TACC1: variants seen among roughly 807,000 people sequenced by gnomAD.
TACC1 encodes the protein transforming acidic coiled-coil containing protein 1.
TACC1 carries 48 observed loss-of-function variants against 84.4 expected under a neutral mutation model. That is an observed-to-expected ratio of 0.57 (90% CI 0.45 to 0.72). The LOEUF (loss-of-function observed/expected upper bound fraction) is 0.72. TACC1 is among the 30% of genes least tolerant of loss of function. TACC1 has a pLI of 0.00. For missense variants in TACC1, 920 were observed against 973.0 expected (o/e 0.95, Z 0.72); for synonymous variants, 372 against 376.3 (o/e 0.99, Z 0.13).
At chr8:38,741,781 A>C (rs563987622) in intron 1 of TACC1, among the ~76,000 whole-genome samples, 7 of 152,194 alleles carry the variant, frequency 4.6e-5, no homozygotes, top group African/African-American at 1.7e-4. Flanking sequence ...ACAAAGAGTC[A>C]ATATTCCAAG....
At chr8:38,749,818 C>T (rs1259475688) in intron 3 of TACC1, among the ~76,000 whole-genome samples, 1 of 152,124 alleles carries the variant, frequency 6.6e-6, no homozygotes, top group Non-Finnish European at 1.5e-5. Flanking sequence ...TCTCGAACGC[C>T]TGACCTCATG....
At chr8:38,777,852 C>T (rs1400103212) in intron 3 of TACC1, among the ~76,000 whole-genome samples, 1 of 152,174 alleles carries the variant, frequency 6.6e-6, no homozygotes, top group South Asian at 2.1e-4. Context: ...TGCTCACATC[C>T]CATGGGTGAG....
intron 3 of TACC1, among the ~76,000 whole-genome samples, chr8:38,824,483 A>T (rs1193834201): frequency 6.6e-6 from 1 of 152,242 alleles, no homozygotes; most frequent in African/African-American, 2.4e-5. Flanking sequence ...TAGGGAAAGA[A>T]GATCATGAAC....
At chr8:38,811,937 A>G (rs1364552605) in intron 2 of TACC1, among the ~76,000 whole-genome samples, 1 of 152,142 alleles carries the variant, frequency 6.6e-6, no homozygotes, top group Non-Finnish European at 1.5e-5. Flanking sequence ...AAGGAATATT[A>G]ATAATTAATA....
At chr8:38,763,644 CTT>C (rs1373695569) in intron 3 of TACC1, among the ~76,000 whole-genome samples, 3 of 152,138 alleles carry the variant, frequency 2.0e-5, no homozygotes, top group Non-Finnish European at 2.9e-5. Flanking sequence ...TTTATAGTCT[CTT>C]TTTGTCCACC....
chr8:38,812,621 G>A (rs1273343955), intron 2 of TACC1, among the ~76,000 whole-genome samples: 2 of 152,078 alleles, frequency 1.3e-5, no homozygotes, highest in Non-Finnish European at 2.9e-5. Context: ...TGCAACTGGG[G>A]TCTGTTCAAA....
chr8:38,788,021 T>C (rs946578218), intron 1 of TACC1: 6 of 460,694 alleles, frequency 1.3e-5, no homozygotes, highest in African/African-American at 6.2e-5. Context: ...TTCTCTAAGC[T>C]TCGACCCCCA....
At chr8:38,798,603 C>T (rs377699582) in intron 2 of TACC1, among the ~76,000 whole-genome samples, 1 of 92,528 alleles carries the variant, frequency 1.1e-5, no homozygotes, top group Admixed American at 1.1e-4. Flanking sequence ...TGTCTGGGTT[C>T]TGCGTGTGTG....
chr8:38,815,262 A>G (rs1325234944), intron 2 of TACC1, among the ~76,000 whole-genome samples: 3 of 152,218 alleles, frequency 2.0e-5, no homozygotes, highest in Non-Finnish European at 4.4e-5. Context: ...ACGTGTATTA[A>G]GTTCCTAGAA....
upstream of TACC1, among the ~76,000 whole-genome samples, chr8:38,786,390 T>G (rs1296315882): frequency 1.3e-5 from 2 of 152,066 alleles, no homozygotes; most frequent in African/African-American, 2.4e-5. Flanking sequence ...GACTTAGAAG[T>G]TACGAAAAGA....
chr8:38,800,925 T>TTGGTTATAGCCATGCCAGTAGGTG (rs1821204905), intron 2 of TACC1, among the ~76,000 whole-genome samples: 1 of 152,220 alleles, frequency 6.6e-6, no homozygotes, highest in South Asian at 2.1e-4. Flanking sequence ...GTCTGTCTGT[T>TTGGTTATAGCCATGCCAGTAGGTG]TGGTTATAGC....
chr8:38,806,268 ACAGAG>A (rs1339172067), intron 2 of TACC1, among the ~76,000 whole-genome samples: 3 of 152,184 alleles, frequency 2.0e-5, no homozygotes, highest in African/African-American at 7.2e-5. Context: ...GTGTGACAGT[ACAGAG>A]CAATGACCTT....
At chr8:38,791,652 TATTG>T (rs1818686946) in intron 2 of TACC1, among the ~76,000 whole-genome samples, 1 of 152,224 alleles carries the variant, frequency 6.6e-6, no homozygotes, top group Admixed American at 6.5e-5. Flanking sequence ...CTCCCAAAAT[TATTG>T]ATTGTTTTGT....
At chr8:38,729,804 G>T (rs1463405522) in intron 1 of TACC1, among the ~76,000 whole-genome samples, 1 of 152,166 alleles carries the variant, frequency 6.6e-6, no homozygotes, top group Admixed American at 6.5e-5. Context: ...GGGAGGTGGA[G>T]GTTATAGTGA....
intron 3 of TACC1, among the ~76,000 whole-genome samples, chr8:38,747,218 A>T (rs1026918022): frequency 1.3e-5 from 2 of 152,250 alleles, no homozygotes; most frequent in Admixed American, 6.5e-5. Context: ...GCTGGTAAGG[A>T]TGTGGAACAA....
intron 10 of TACC1, 29 bp from the exon 11 acceptor site, chr8:38,843,260 G>C: frequency 6.7e-7 from 1 of 1,495,860 alleles, no homozygotes; most frequent in Non-Finnish European, 9.0e-7. Context: ...AAAATGACCT[G>C]TTTATTTTCA....
intron 1 of TACC1, among the ~76,000 whole-genome samples, chr8:38,736,099 G>A (rs1223635048): frequency 6.6e-6 from 1 of 152,108 alleles, no homozygotes; most frequent in Non-Finnish European, 1.5e-5. Context: ...TCCTTGGCTT[G>A]TGGCCATGTC....
rs1268399854 is a variant in TACC1 at position 38,732,179 on chromosome 8, A to AGAG, written c.-675+3509_-675+3510insAGG. Reference sequence around the variant, plus strand: ...AAGAAAGGAAGGAAGGAAGGAAGGAAGGAAGAGGGAAAGGAAAGGAAAGGA... The same window carrying AGAG: ...AAGAAAGGAAGGAAGGAAGGAAGGAAGAGGGAAGAGGGAAAGGAAAGGAAAGGA... On this transcript the variant is annotated intron_variant, in intron 1 of 14. Transcript: ENST00000518415. Among the ~76,000 whole-genome samples the AGAG allele has an allele frequency of 3.2e-3, 412 of 130,250 alleles. 2 individuals are homozygous for AGAG. The highest frequency in any genetic ancestry group is 0.011 in the East Asian group (37 of 3,224). 85.4% of individuals were successfully genotyped at this position (130,250 alleles called of 152,430 possible).
chr8:38,807,228 G>A lies in TACC1; in HGVS notation c.278-12294G>A, dbSNP rs796896817. Among the ~76,000 whole-genome samples, 10 of 152,252 alleles carry A rather than the reference G, an allele frequency of 6.6e-5. 1 individual carries two copies. The highest frequency in any genetic ancestry group is 2.4e-4 in the African/African-American group (10 of 41,560). On this transcript the variant is annotated intron_variant, in intron 2 of 12. Coordinates refer to ENST00000317827, the MANE Select transcript of TACC1 (RefSeq NM_006283.3). Reference sequence around the variant, plus strand: ...AGCCCCCTTCCCTTCCCCAGAGATGGAGGTGGAGAGGGCTGAAAATTCCCA... The same window carrying A: ...AGCCCCCTTCCCTTCCCCAGAGATGAAGGTGGAGAGGGCTGAAAATTCCCA...
Sources: allele counts gnomAD v4.1 joint callset (sites outside exome capture counted in the v4.1 genomes callset), GRCh38; gene constraint gnomAD v4.1.1; transcripts MANE v1.5; gene names NCBI Gene and HGNC (gene_info 2026-07-23, HGNC 2026-07-21).